Variants in MICU1 observed in about 807,000 individuals in gnomAD.
MICU1 encodes mitochondrial calcium uptake 1.
Under a neutral mutation model 56.8 loss-of-function variants are expected in MICU1, and 45 were observed. The ratio of observed to expected loss-of-function variants is 0.79; its 90% CI spans 0.62 to 1.02. MICU1 has a LOEUF of 1.02. Ranked by LOEUF, MICU1 falls within the 50% of genes least tolerant of loss-of-function variation. MICU1 has a pLI of 0.00. For missense variants in MICU1, 504 were observed against 587.1 expected (o/e 0.86, Z 1.46); for synonymous variants, 186 against 195.1 (o/e 0.95, Z 0.39).
intron 9 of MICU1, among the ~76,000 whole-genome samples, chr10:72,410,045 A>G (rs2132108732): frequency 6.6e-6 from 1 of 152,306 alleles, no homozygotes; most frequent in South Asian, 2.1e-4. Context: ...TAGCATTTTT[A>G]TATGTAAATA....
intron 5 of MICU1, among the ~76,000 whole-genome samples, chr10:72,517,537 T>C (rs1311368410): frequency 1.3e-5 from 2 of 152,126 alleles, no homozygotes; most frequent in Admixed American, 1.3e-4. Context: ...AAACTAAACA[T>C]TGTATGTTCT....
chr10:72,421,308 T>C lies in MICU1; in HGVS notation c.1071+1926A>G, dbSNP rs548703279. 4.1e-4 allele frequency among the ~76,000 whole-genome samples: 63 copies of C among 151,956 alleles called. No homozygotes were observed. In the Middle Eastern group the frequency reaches 0.01, roughly 25 times the overall value. On this transcript the variant is annotated intron_variant, in intron 9 of 11. Transcript: ENST00000361114. Reference sequence around the variant, plus strand: ...TTTCGTTCTTTCTCCCACGCTGGAGTGAAGTGGTGTGATCTTGGTTCACTG... The same window carrying C: ...TTTCGTTCTTTCTCCCACGCTGGAGCGAAGTGGTGTGATCTTGGTTCACTG...
intron 1 of MICU1, among the ~76,000 whole-genome samples, chr10:72,569,382 A>G (rs547182283): frequency 2.7e-4 from 41 of 150,554 alleles, no homozygotes; most frequent in Non-Finnish European, 5.5e-4. Flanking sequence ...CTACAGGCAC[A>G]TACCATGATG....
Position 72,544,264 on chromosome 10 carries a change from C to T in MICU1, c.493+6915G>A, listed in dbSNP as rs1199771465. Among the ~76,000 whole-genome samples the T allele has an allele frequency of 2.6e-5, 4 of 152,088 alleles. No homozygotes were observed. The East Asian group carries it at 5.8e-4, about 22-fold the overall frequency. Reference sequence around the variant, plus strand: ...ACAGGAATTGCTCACTCAGGGAGCTCGGTTTTTGGAGACGTGAGTCTTGCC... The same window carrying T: ...ACAGGAATTGCTCACTCAGGGAGCTTGGTTTTTGGAGACGTGAGTCTTGCC... On this transcript the variant is annotated intron_variant, in intron 4 of 11. Transcript: ENST00000361114.
chr10:72,397,046 C>T (rs1863290576), intron 10 of MICU1, among the ~76,000 whole-genome samples: 1 of 152,314 alleles, frequency 6.6e-6, no homozygotes, highest in African/African-American at 2.4e-5. Flanking sequence ...GGTCGAGTTA[C>T]CCACAAAGGG....
intron 9 of MICU1, among the ~76,000 whole-genome samples, chr10:72,408,745 C>T (rs559954021): frequency 6.6e-6 from 1 of 152,220 alleles, no homozygotes; most frequent in Non-Finnish European, 1.5e-5. Context: ...GTTTAATAGT[C>T]TGCTCACAGG....
intron 10 of MICU1, among the ~76,000 whole-genome samples, chr10:72,399,886 A>G (rs1359713302): frequency 3.3e-5 from 5 of 152,196 alleles, no homozygotes; most frequent in Non-Finnish European, 7.3e-5. Context: ...TGAGCCCAGG[A>G]GGCTGAGGTT....
At chr10:72,474,353 G>C (rs1783447791) in intron 8 of MICU1, among the ~76,000 whole-genome samples, 1 of 149,590 alleles carries the variant, frequency 6.7e-6, no homozygotes. Flanking sequence ...CAAGAAATTA[G>C]AGACTAGATT....
chr10:72,557,181 T>C (rs73282724), intron 3 of MICU1, among the ~76,000 whole-genome samples: 122 of 152,330 alleles, frequency 8.0e-4, no homozygotes, highest in African/African-American at 2.8e-3. Context: ...CAAAATACAC[T>C]ATCTCCAATA....
intron 6 of MICU1, among the ~76,000 whole-genome samples, chr10:72,500,512 A>G (rs763310661): frequency 3.3e-5 from 5 of 150,966 alleles, no homozygotes; most frequent in African/African-American, 9.7e-5. Context: ...AGTAGAGACA[A>G]GGTTTCACCA....
chr10:72,595,231 C>T (rs1841343552), intron 1 of MICU1, among the ~76,000 whole-genome samples: 1 of 107,650 alleles, frequency 9.3e-6, no homozygotes, highest in Non-Finnish European at 2.8e-5. Flanking sequence ...GCAGGCAGAT[C>T]ACTTAAGGTT....
At chr10:72,554,022 T>C (rs1840100144) in intron 3 of MICU1, among the ~76,000 whole-genome samples, 1 of 152,174 alleles carries the variant, frequency 6.6e-6, no homozygotes, top group Non-Finnish European at 1.5e-5. Context: ...ATTACGATGG[T>C]TCATTCAGTC....
At chr10:72,577,637 A>C (rs939078476) in intron 1 of MICU1, among the ~76,000 whole-genome samples, 3 of 152,234 alleles carry the variant, frequency 2.0e-5, no homozygotes, top group Non-Finnish European at 4.4e-5. Flanking sequence ...TGGAGCCTGA[A>C]TAGCACACTG....
intron 5 of MICU1, chr10:72,532,797 G>T: frequency 1.1e-6 from 1 of 945,674 alleles, no homozygotes; most frequent in Non-Finnish European, 1.3e-6. Context: ...TTAGGCAGGT[G>T]GCCTTAGCTG....
At chr10:72,449,408 A>T (rs187111446) in intron 8 of MICU1, among the ~76,000 whole-genome samples, 6,237 of 150,656 alleles carry the variant, frequency 0.041, 410 homozygotes, top group African/African-American at 0.14. Flanking sequence ...AAAAAAAAAA[A>T]TTTTTTTTTG....
At chr10:72,523,708 G>T in intron 5 of MICU1, 1 of 836,996 alleles carries the variant, frequency 1.2e-6, no homozygotes, top group Non-Finnish European at 1.7e-6. Context: ...CCAGCCACCA[G>T]AAATGTGAGA....
chr10:72,512,009 T>C (rs1175863812), intron 5 of MICU1, among the ~76,000 whole-genome samples: 1 of 151,960 alleles, frequency 6.6e-6, no homozygotes, highest in Non-Finnish European at 1.5e-5. Flanking sequence ...TAGGTATTCC[T>C]TAATCTAGTC....
chr10:72,496,787 G>C (rs1408843616), intron 6 of MICU1, among the ~76,000 whole-genome samples: 5 of 152,108 alleles, frequency 3.3e-5, no homozygotes, highest in African/African-American at 1.2e-4. Flanking sequence ...GCCAAGCCTG[G>C]TCTCGATCTC....
intron 6 of MICU1, among the ~76,000 whole-genome samples, chr10:72,488,168 G>A (rs1489940715): frequency 4.1e-5 from 6 of 148,002 alleles, no homozygotes; most frequent in African/African-American, 1.5e-4. Flanking sequence ...ACTCCAGCCT[G>A]GGCAACAAGA....
Sources: gnomAD v4.1 joint callset for allele counts (sites outside exome capture counted in the v4.1 genomes callset) on GRCh38, gnomAD v4.1.1 for gene constraint, MANE v1.5 for transcripts, NCBI Gene and HGNC (gene_info 2026-07-23, HGNC 2026-07-21) for gene names.